The following CDC14B variants were observed in gnomAD, a reference collection of about 807,000 sequenced individuals.
CDC14B encodes the protein cell division cycle 14B.
CDC14B carries 22 observed loss-of-function variants against 64.2 expected under a neutral mutation model. The ratio of observed to expected loss-of-function variants is 0.34; its 90% confidence interval spans 0.24 to 0.49. The LOEUF is 0.49. Ranked by LOEUF, CDC14B falls within the 20% of genes least tolerant of loss-of-function variation. The pLI, the probability that CDC14B is intolerant of heterozygous loss-of-function variation, is 0.99. For missense variants in CDC14B, 498 were observed against 629.9 expected, an observed-to-expected ratio of 0.79 and a Z score of 2.24; for synonymous variants, 191 against 215.8, an observed-to-expected ratio of 0.89 and a Z score of 1.01.
chr9:96,588,708 G>A (rs1588038423), intron 1 of CDC14B, among the ~76,000 whole-genome samples: 1 of 152,042 alleles, frequency 6.6e-6, no homozygotes, highest in Non-Finnish European at 1.5e-5. Flanking sequence ...ACTGGTCTTG[G>A]ACTCCTGGGC....
At chr9:96,573,579 T>A (rs1844598759) in intron 1 of CDC14B, among the ~76,000 whole-genome samples, 1 of 152,136 alleles carries the variant, frequency 6.6e-6, no homozygotes, top group Non-Finnish European at 1.5e-5. Flanking sequence ...GCAATTCGAA[T>A]CAAAATCTCA....
At chr9:96,512,613 G>A (rs1835068583) in intron 12 of CDC14B, among the ~76,000 whole-genome samples, 2 of 152,166 alleles carry the variant, frequency 1.3e-5, no homozygotes, top group South Asian at 2.1e-4. Context: ...GCATGAGCCA[G>A]TCTGCCCATC....
At chr9:96,496,599 T>C (rs1179389373), downstream of CDC14B, among the ~76,000 whole-genome samples, 1 of 152,238 alleles carries the variant, frequency 6.6e-6, no homozygotes, top group African/African-American at 2.4e-5. Context: ...ACCGCGGTCC[T>C]GCCGGGGCGC....
At chr9:96,618,713 G>A (rs1377040056) in intron 1 of CDC14B, 4 of 425,228 alleles carry the variant, frequency 9.4e-6, no homozygotes, top group Non-Finnish European at 1.8e-5. Flanking sequence ...GCGGCGCCCA[G>A]GGTCCCAAGG....
chr9:96,570,818 T>C (rs1018197583), intron 1 of CDC14B, among the ~76,000 whole-genome samples: 11 of 152,210 alleles, frequency 7.2e-5, no homozygotes, highest in Non-Finnish European at 1.5e-4. Flanking sequence ...GTGGAGTGAC[T>C]AACCTGCACA....
intron 3 of CDC14B, 117 bp from the exon 4 acceptor site, chr9:96,562,902 C>A: frequency 1.4e-6 from 1 of 702,646 alleles, no homozygotes; most frequent in Non-Finnish European, 2.5e-6. Flanking sequence ...TTAGCAAGAC[C>A]TTTGAAAAGA....
intron 1 of CDC14B, among the ~76,000 whole-genome samples, chr9:96,617,623 G>A (rs1251245312): frequency 6.6e-6 from 1 of 152,190 alleles, no homozygotes; most frequent in African/African-American, 2.4e-5. Flanking sequence ...GCACGTGTAT[G>A]GTAGAGAATA....
intron 1 of CDC14B, among the ~76,000 whole-genome samples, chr9:96,578,435 A>C (rs1844934598): frequency 6.6e-6 from 1 of 152,238 alleles, no homozygotes; most frequent in African/African-American, 2.4e-5. Flanking sequence ...AAAACTTAGC[A>C]AACACTATTT....
At position 96,539,103 on chromosome 9, in the gene CDC14B, T is replaced by G. The variant is rs1375762969; in HGVS notation, c.602A>C (p.Asn201Thr). The G allele has an allele frequency of 6.2e-7, 1 of 1,610,424 alleles. No homozygotes were observed. ...TTCATAGTGTTCATATTCATCAAGG[T>G]TAAATGAGTTGAAATTAAGGAAGCC... ...QYGFLNFNSF[N>T]LDEYEHYEKA... Residue 201 changes from asparagine to threonine, a missense_variant, in exon 7 of 14, where the codon AAC becomes ACC. Coordinates refer to ENST00000375241, the MANE Select transcript of CDC14B (RefSeq NM_033331.4).
At chr9:96,576,176 A>G (rs901300502) in intron 1 of CDC14B, among the ~76,000 whole-genome samples, 2 of 152,014 alleles carry the variant, frequency 1.3e-5, no homozygotes, top group Admixed American at 6.6e-5. Flanking sequence ...CTACTTGGGG[A>G]GGGTGAGGCA....
chr9:96,508,989 C>T (rs979940315), intron 13 of CDC14B, among the ~76,000 whole-genome samples: 6 of 152,078 alleles, frequency 3.9e-5, no homozygotes, highest in East Asian at 1.9e-4. Context: ...CACCAGGCAA[C>T]GATGAAAAGG....
chr9:96,493,894 TCAC>T (rs1300990505), intron 13 of CDC14B, among the ~76,000 whole-genome samples: 2 of 152,192 alleles, frequency 1.3e-5, no homozygotes, highest in East Asian at 3.8e-4. Flanking sequence ...ACCATGCTGA[TCAC>T]CACCTCATCC....
At chr9:96,560,753 C>T (rs1373822276) in intron 4 of CDC14B, among the ~76,000 whole-genome samples, 1 of 144,198 alleles carries the variant, frequency 6.9e-6, no homozygotes, top group Non-Finnish European at 1.5e-5. Context: ...TGCCAAACTA[C>T]TCAAACTTTT....
chr9:96,549,565 T>C (rs1212583870), intron 5 of CDC14B, among the ~76,000 whole-genome samples: 2 of 151,954 alleles, frequency 1.3e-5, no homozygotes, highest in African/African-American at 2.4e-5. Context: ...CTCGGGAGGC[T>C]GAGGCAGAAG....
chr9:96,534,568 C>G, intron 7 of CDC14B, 26 bp from the exon 8 acceptor site: 1 of 1,508,104 alleles, frequency 6.6e-7, no homozygotes, highest in Non-Finnish European at 9.2e-7. Context: ...CAGCACAATT[C>G]GTTTTTAAAT....
intron 1 of CDC14B, among the ~76,000 whole-genome samples, chr9:96,585,065 G>A (rs1845380994): frequency 6.6e-6 from 1 of 152,026 alleles, no homozygotes; most frequent in Non-Finnish European, 1.5e-5. Context: ...ACATTATTTA[G>A]GACATTCACA....
chr9:96,503,573 T>C lies in CDC14B; in HGVS notation c.*180A>G. On this transcript the variant is annotated 3_prime_UTR_variant, in exon 14 of 14. Transcript: ENST00000375241. ...TGGACCCTTCTCTGAGTCATTTGCT[T>C]GCACCCAAACTCAAAGTTCATTATT... 6.6e-6 allele frequency: 4 copies of C among 607,578 alleles called. No homozygotes were observed. The highest frequency in any genetic ancestry group is 1.2e-5 in the Non-Finnish European group (4 of 343,662). The allele number at this position is 607,578 out of a possible 1,614,324, so 37.6% of individuals were successfully genotyped here.
chr9:96,543,020 A>C (rs1840292803), intron 5 of CDC14B, among the ~76,000 whole-genome samples: 1 of 150,946 alleles, frequency 6.6e-6, no homozygotes, highest in Non-Finnish European at 1.5e-5. Context: ...AAAACAAAAA[A>C]CAAAAAACAA....
At chr9:96,551,274 G>A (rs542567535) in intron 5 of CDC14B, among the ~76,000 whole-genome samples, 5 of 151,836 alleles carry the variant, frequency 3.3e-5, no homozygotes, top group South Asian at 2.1e-4. Flanking sequence ...GTGCAACCAC[G>A]CCTGGCTAAT....
Sources: allele counts gnomAD v4.1 joint callset (sites outside exome capture counted in the v4.1 genomes callset), GRCh38; gene constraint gnomAD v4.1.1; transcripts MANE v1.5; gene names NCBI Gene and HGNC (gene_info 2026-07-23, HGNC 2026-07-21).